Variants in FAT4 observed in about 807,000 individuals in gnomAD.
The protein encoded by FAT4 is FAT atypical cadherin 4.
FAT4 carries 84 observed loss-of-function variants against 303.9 expected under a neutral mutation model. The observed-to-expected ratio is 0.28, with a 90% CI of 0.23 to 0.33. The LOEUF (loss-of-function observed/expected upper bound fraction) is 0.33, where lower values mean the gene tolerates loss of function less well. Ranked by LOEUF, FAT4 falls within the 10% of genes least tolerant of loss-of-function variation. FAT4 has a pLI of 1.00. For missense variants in FAT4, 6,005 were observed against 6,146.8 expected (o/e 0.98, Z 0.77); for synonymous variants, 2,307 against 2,298.8 (o/e 1.00, Z -0.10).
intron 2 of FAT4, among the ~76,000 whole-genome samples, chr4:125,342,114 A>C (rs1264280765): frequency 1.3e-5 from 2 of 151,982 alleles, no homozygotes; most frequent in Admixed American, 1.3e-4. Context: ...GCATTATTGA[A>C]TGTTGGTTGA....
intron 2 of FAT4, among the ~76,000 whole-genome samples, chr4:125,333,292 C>T (rs1731456307): frequency 6.6e-6 from 1 of 151,970 alleles, no homozygotes; most frequent in East Asian, 1.9e-4. Flanking sequence ...ATTTTCTAAA[C>T]CCAAGGAACT....
chr4:125,318,350 T>C lies in FAT4; in HGVS notation c.1939T>C (p.Leu647=), dbSNP rs775615458. The change falls in exon 2 of 18, where the codon TTG becomes CTG. Residue 647 remains leucine, a synonymous_variant. Coordinates refer to ENST00000394329, the MANE Select transcript of FAT4 (RefSeq NM_001291303.3). The stretch of plus-strand genomic sequence containing the variant: ...TGGGAGGTTGAGTACTATTTCCTCC[T>C]TGGACAGAGAAGAGCAAGCCTTCTA... ...VSGRLSTISS[L]DREEQAFYSL... 1 of 1,614,208 alleles carries C rather than the reference T, an allele frequency of 6.2e-7. No individual in the cohort carries two copies. The highest frequency in any genetic ancestry group is 8.5e-7 in the Non-Finnish European group (1 of 1,180,040).
intron 5 of FAT4, among the ~76,000 whole-genome samples, chr4:125,411,340 A>G (rs756305201): frequency 6.6e-6 from 1 of 151,996 alleles, no homozygotes; most frequent in Non-Finnish European, 1.5e-5. Context: ...CATTGAGGAA[A>G]TATCGGAGCA....
At chr4:125,361,321 A>G (rs974114809) in intron 2 of FAT4, among the ~76,000 whole-genome samples, 1 of 152,192 alleles carries the variant, frequency 6.6e-6, no homozygotes, top group African/African-American at 2.4e-5. Flanking sequence ...AGCAGTAACA[A>G]GGTACAAGGG....
chr4:125,320,119 T>A lies in FAT4; in HGVS notation c.3708T>A (p.Asp1236Glu), dbSNP rs1223564463. 6.2e-7 allele frequency: 1 copy of A among 1,614,056 alleles called. No individual in the cohort carries two copies. Among genetic ancestry groups the A allele is most frequent in the Non-Finnish European group, 8.5e-7 (1 of 1,179,968 alleles). Residue 1236 changes from aspartate (D) to glutamate (E), a missense_variant, in exon 2 of 18, where the codon GAT (aspartate) becomes GAA (glutamate). Transcript: ENST00000394329. ...LTQVLRVSASDVDEGNNGLIH... is the reference protein window; with the variant it reads ...LTQVLRVSASEVDEGNNGLIH... ...AAGTGTTAAGAGTATCTGCCTCAGA[T>A]GTTGATGAAGGTAATAATGGACTTA...
chr4:125,431,476 A>G (rs778901719), intron 7 of FAT4, among the ~76,000 whole-genome samples: 7 of 152,190 alleles, frequency 4.6e-5, no homozygotes, highest in Non-Finnish European at 1.0e-4. Flanking sequence ...GAATCCTGAG[A>G]GCTGTAATAC....
At position 125,481,677 on chromosome 4, in the gene FAT4, C is replaced by T; in HGVS notation, c.12761C>T (p.Thr4254Ile). ...GVNSLEVKFR[T>I]RSENGVLIHI... ...AACAGTCTGGAAGTAAAATTTAGGA[C>T]CAGAAGCGAGAATGGCGTTTTAATC... The change falls in exon 16 of 18, where the codon ACC (threonine) becomes ATC (isoleucine). Residue 4254 changes from threonine (T) to isoleucine (I), a missense_variant. Coordinates refer to ENST00000394329, the MANE Select transcript of FAT4 (RefSeq NM_001291303.3). 1 of 1,613,968 alleles carries T rather than the reference C, an allele frequency of 6.2e-7. No homozygotes were observed. Among genetic ancestry groups the T allele is most frequent in the Non-Finnish European group, 8.5e-7 (1 of 1,179,920 alleles).
rs1009389677 is a variant in FAT4, at chr4:125,452,549, C to G, written c.11539C>G (p.Pro3847Ala). 4 of 1,614,006 alleles carry G rather than the reference C, an allele frequency of 2.5e-6. No homozygotes were observed. In the South Asian group the frequency reaches 3.3e-5, roughly 13 times the overall value. Reference sequence around the variant, plus strand: ...CATCGTGGCAAATGAACCTCTGCAGCCTTTCTTATGCAAGTGTCTGCCAGG... The same window carrying G: ...CATCGTGGCAAATGAACCTCTGCAGGCTTTCTTATGCAAGTGTCTGCCAGG... ...VIIVANEPLQ[P>A]FLCKCLPGYA... Residue 3847 changes from proline (P) to alanine (A), a missense_variant, in exon 10 of 18, where the codon CCT becomes GCT. By Grantham distance (27) the Pro-to-Ala change is conservative. Transcript: ENST00000394329.
chr4:125,408,363 T>C, intron 4 of FAT4, 81 bp from the exon 5 acceptor site: 1 of 830,872 alleles, frequency 1.2e-6, no homozygotes, highest in Non-Finnish European at 1.9e-6. Flanking sequence ...ACAAATACAT[T>C]TTTTGGTCTC....
chr4:125,485,900 GTTTA>G (rs1005785914), intron 16 of FAT4, among the ~76,000 whole-genome samples: 39 of 152,186 alleles, frequency 2.6e-4, no homozygotes, highest in African/African-American at 9.4e-4. Context: ...ATCATTGACT[GTTTA>G]TTAATAAATA....
Position 125,320,752 on chromosome 4 carries a change from T to C in FAT4, c.4341T>C (p.Pro1447=). ...TSVISVTAHD[P]DADINGQLSY... ...TCATTTCAGTGACTGCACATGACCCTGATGCAGACATTAATGGTCAACTAT... is the reference window on the plus strand; with the variant it reads ...TCATTTCAGTGACTGCACATGACCCCGATGCAGACATTAATGGTCAACTAT... Residue 1447 remains proline (P), a synonymous_variant, in exon 2 of 18, where the codon CCT becomes CCC. Coordinates refer to ENST00000394329, the MANE Select transcript of FAT4 (RefSeq NM_001291303.3). 1 of 1,614,172 alleles carries C rather than the reference T, an allele frequency of 6.2e-7. No individual in the cohort carries two copies. The highest frequency in any genetic ancestry group is 8.5e-7 in the Non-Finnish European group (1 of 1,179,992).
At position 125,364,978 on chromosome 4, in the gene FAT4, G is replaced by A. The variant is rs147683699; in HGVS notation, c.5176-33806G>A. Among the ~76,000 whole-genome samples, 3 of 152,268 alleles carry A rather than the reference G, an allele frequency of 2.0e-5. No individual in the cohort carries two copies. In the East Asian group the frequency reaches 5.8e-4, roughly 29 times the overall value. On this transcript the variant is annotated intron_variant, in intron 2 of 17. Transcript: ENST00000394329. ...AGAAATTGAGCATGGAGAACTTGGG[G>A]CCCTGGACTAACAGTTGATAGTAGA...
Position 125,315,778 on chromosome 4 carries a change from G to A in FAT4, c.-212G>A, listed in dbSNP as rs1170928109. On this transcript the variant is annotated 5_prime_UTR_variant, in exon 1 of 18. Coordinates refer to ENST00000394329, the MANE Select transcript of FAT4 (RefSeq NM_001291303.3). ...GAACTGCCTGCGCGCAGACGCCGCC[G>A]CCTGGGCCTCAGCGGCCACTGCCGG... 6.6e-6 allele frequency among the ~76,000 whole-genome samples: 1 copy of A among 152,176 alleles called. No homozygotes were observed. Among genetic ancestry groups the A allele is most frequent in the Non-Finnish European group, 1.5e-5 (1 of 68,034 alleles).
At chr4:125,398,641 T>A in intron 2 of FAT4, 143 bp from the exon 3 acceptor site, 1 of 704,636 alleles carries the variant, frequency 1.4e-6, no homozygotes, top group East Asian at 2.6e-5. Flanking sequence ...TCCCTAGGGG[T>A]AGTTTCTGTT....
chr4:125,318,529 C>T lies in FAT4; in HGVS notation c.2118C>T (p.Ser706=), dbSNP rs150906264. The T allele has an allele frequency of 9.9e-6, 16 of 1,614,188 alleles. No homozygotes were observed. The highest frequency in any genetic ancestry group is 1.6e-4 in the Middle Eastern group (1 of 6,062). The change falls in exon 2 of 18, where the codon AGC becomes AGT. Residue 706 remains serine (S), a synonymous_variant. Transcript: ENST00000394329. The part of the protein sequence containing the change: ...AHIKENEPGG[S]YITTVSATDP... ...TTAAGGAGAATGAGCCTGGAGGTAGCTACATCACCACTGTGTCTGCCACTG... is the reference window on the plus strand; with the variant it reads ...TTAAGGAGAATGAGCCTGGAGGTAGTTACATCACCACTGTGTCTGCCACTG...
chr4:125,404,293 C>T (rs1734503261), intron 3 of FAT4, among the ~76,000 whole-genome samples: 1 of 152,124 alleles, frequency 6.6e-6, no homozygotes, highest in African/African-American at 2.4e-5. Flanking sequence ...TGGCCTCTCC[C>T]TACACTAGTC....
At chr4:125,425,195 C>A in intron 7 of FAT4, among the ~76,000 whole-genome samples, 1 of 152,150 alleles carries the variant, frequency 6.6e-6, no homozygotes, top group African/African-American at 2.4e-5. Context: ...CACAATAGCC[C>A]TGAAAGTTAG....
chr4:125,418,273 T>A (rs202141825), intron 7 of FAT4, among the ~76,000 whole-genome samples: 2 of 152,114 alleles, frequency 1.3e-5, no homozygotes, highest in East Asian at 3.9e-4. Flanking sequence ...TCCTTTGCAT[T>A]TTTTTTGAAC....
At chr4:125,338,720 T>G (rs2125965619) in intron 2 of FAT4, among the ~76,000 whole-genome samples, 1 of 152,302 alleles carries the variant, frequency 6.6e-6, no homozygotes, top group South Asian at 2.1e-4. Context: ...CAATTGAGAT[T>G]ATTTATCCTG....
Sources: gnomAD v4.1 joint callset for allele counts (sites outside exome capture counted in the v4.1 genomes callset) on GRCh38, gnomAD v4.1.1 for gene constraint, MANE v1.5 for transcripts, NCBI Gene and HGNC (gene_info 2026-07-23, HGNC 2026-07-21) for gene names.